Variants in ZDBF2 observed in about 807,000 individuals in gnomAD.
ZDBF2 encodes zinc finger DBF-type containing 2, also known as DBF4-type zinc finger-containing protein 2.
In ZDBF2, 6 loss-of-function variants were observed where a neutral mutation model predicts 9.4. That is an observed-to-expected ratio of 0.64 (90% confidence interval 0.35 to 1.27). The LOEUF is 1.27. ZDBF2 is among the 50% of genes most tolerant of loss of function. The pLI is 0.03. For missense variants in ZDBF2, 2,697 were observed against 2,766.8 expected, an observed-to-expected ratio of 0.97 and a Z score of 0.57; for synonymous variants, 905 against 946.3, an observed-to-expected ratio of 0.96 and a Z score of 0.80.
intron 3 of ZDBF2, among the ~76,000 whole-genome samples, chr2:206,295,683 C>CT (rs1274286774): frequency 6.6e-6 from 1 of 152,032 alleles, no homozygotes; most frequent in Non-Finnish European, 1.5e-5. Context: ...CCAGTTTACT[C>CT]TAATTTTTTG....
chr2:206,295,628 A>T (rs55677225), intron 3 of ZDBF2, among the ~76,000 whole-genome samples: 1 of 151,538 alleles, frequency 6.6e-6, no homozygotes, highest in Non-Finnish European at 1.5e-5. Flanking sequence ...CCCACTGTAG[A>T]CTCCCAAAGT....
chr2:206,292,613 ATGG>A (rs1691953860), intron 3 of ZDBF2, among the ~76,000 whole-genome samples: 1 of 152,146 alleles, frequency 6.6e-6, no homozygotes, highest in Non-Finnish European at 1.5e-5. Context: ...ACACAACATG[ATGG>A]TGGACATAAA....
intron 2 of ZDBF2, among the ~76,000 whole-genome samples, chr2:206,280,475 G>A (rs1019518965): frequency 1.3e-5 from 2 of 152,104 alleles, no homozygotes; most frequent in African/African-American, 4.8e-5. Flanking sequence ...TAAGCTCTAG[G>A]TTCTCTCAGC....
chr2:206,308,342 G>C lies in ZDBF2; in HGVS notation c.3814G>C (p.Asp1272His). ...KEVSLWKEHV[D>H]LENKIVKPTD... ...GGTCAGTCTTTGGAAAGAGCATGTTGACTTGGAAAATAAGATTGTCAAACC... is the reference window on the plus strand; with the variant it reads ...GGTCAGTCTTTGGAAAGAGCATGTTCACTTGGAAAATAAGATTGTCAAACC... Residue 1272 changes from aspartate (D) to histidine (H), a missense_variant, in exon 5 of 5, where the codon GAC becomes CAC. Physicochemically the swap from Asp to His is moderately conservative, Grantham distance 81. Transcript: ENST00000374423. The C allele has an allele frequency of 6.2e-7, 1 of 1,613,100 alleles. No individual in the cohort carries two copies.
In ZDBF2 at chr2:206,281,955, G is replaced by T. The variant is rs1166354718; in HGVS notation, c.60+46G>T. On this transcript the variant is annotated intron_variant, in intron 3 of 4. Coordinates refer to ENST00000374423, the MANE Select transcript of ZDBF2 (RefSeq NM_020923.3). ...TGATAATATCTCAAAGGACCTAGTTGTGACTTTCTCTTACATTTTATTAAA... is the reference window on the plus strand; with the variant it reads ...TGATAATATCTCAAAGGACCTAGTTTTGACTTTCTCTTACATTTTATTAAA... The T allele has an allele frequency of 5.3e-6, 8 of 1,504,516 alleles. No individual in the cohort carries two copies. The South Asian group carries it at 9.8e-5, about 18-fold the overall frequency. 93.2% of individuals were successfully genotyped at this position (1,504,516 alleles called of 1,614,324 possible). A position where few individuals can be genotyped will look rare whatever the true frequency, so the allele number is the denominator to read the frequency against.
At position 206,311,743 on chromosome 2, in the gene ZDBF2, CATTT is replaced by C; in HGVS notation, c.*152_*155del. ...TATTATTTTTCAGAATTTTTATATTCATTTAAAATTAGTGTTTAGAGTCCTTTCA... is the reference window on the plus strand; with the variant it reads ...TATTATTTTTCAGAATTTTTATATTCAAAATTAGTGTTTAGAGTCCTTTCA... On this transcript the variant is annotated 3_prime_UTR_variant, in exon 5 of 5. Coordinates refer to ENST00000374423, the MANE Select transcript of ZDBF2 (RefSeq NM_020923.3). 1 of 839,934 alleles carries C rather than the reference CATTT, an allele frequency of 1.2e-6. No homozygotes were observed. Among genetic ancestry groups the C allele is most frequent in the Non-Finnish European group, 1.6e-6 (1 of 617,634 alleles). 52.0% of individuals were successfully genotyped at this position (839,934 alleles called of 1,614,324 possible). A position where few individuals can be genotyped will look rare whatever the true frequency, so the allele number is the denominator to read the frequency against.
intron 1 of ZDBF2, among the ~76,000 whole-genome samples, chr2:206,275,982 T>A (rs564288132): frequency 6.6e-6 from 1 of 152,360 alleles, no homozygotes; most frequent in South Asian, 2.1e-4. Flanking sequence ...AGAAATAAGC[T>A]GAATTCAGGG....
chr2:206,305,382 G>C lies in ZDBF2; in HGVS notation c.854G>C (p.Gly285Ala). The C allele has an allele frequency of 6.2e-7, 1 of 1,613,180 alleles. No individual in the cohort carries two copies. Among genetic ancestry groups the C allele is most frequent in the Non-Finnish European group, 8.5e-7 (1 of 1,179,560 alleles). The change falls in exon 5 of 5, where the codon GGC (glycine) becomes GCC (alanine). Residue 285 changes from glycine (G) to alanine (A), a missense_variant. By Grantham distance (60) the Gly-to-Ala change is moderately conservative. Around this residue, in one of 3 missense-constraint regions of ZDBF2, gnomAD observed 910 missense variants for 973.6 expected, o/e 0.93. Coordinates refer to ENST00000374423, the MANE Select transcript of ZDBF2 (RefSeq NM_020923.3). ...TCTCAGGGTAAAACTTTATCAGCTG[G>C]CTTGAAATTCCATGAACGCATGGGT... Reference protein sequence around the residue: ...VKSQGKTLSAGLKFHERMGTK... With the variant: ...VKSQGKTLSAALKFHERMGTK...
chr2:206,293,359 A>G (rs570579315), intron 3 of ZDBF2, among the ~76,000 whole-genome samples: 9 of 152,322 alleles, frequency 5.9e-5, no homozygotes, highest in African/African-American at 2.2e-4. Context: ...TAAAGCTTCT[A>G]GAAACAGGAG....
Position 206,313,399 on chromosome 2 carries a change from A to G in ZDBF2, c.*1806A>G, listed in dbSNP as rs1693278778. ...ACCTTGCCTCCTCATACACAAATATATTTTCATTTCTTAAAAGATCACTGG... is the reference window on the plus strand; with the variant it reads ...ACCTTGCCTCCTCATACACAAATATGTTTTCATTTCTTAAAAGATCACTGG... On this transcript the variant is annotated 3_prime_UTR_variant, in exon 5 of 5. Coordinates refer to ENST00000374423, the MANE Select transcript of ZDBF2 (RefSeq NM_020923.3). 6.6e-6 allele frequency: 1 copy of G among 152,200 alleles called. No homozygotes were observed. Among genetic ancestry groups the G allele is most frequent in the East Asian group, 1.9e-4 (1 of 5,196 alleles). The allele number at this position is 152,200 out of a possible 1,614,324, so 9.4% of individuals were successfully genotyped here. A position where few individuals can be genotyped will look rare whatever the true frequency, so the allele number is the denominator to read the frequency against.
intron 1 of ZDBF2, among the ~76,000 whole-genome samples, chr2:206,277,652 G>A (rs1244944385): frequency 1.3e-5 from 2 of 149,768 alleles, no homozygotes; most frequent in Non-Finnish European, 3.0e-5. Context: ...CTGCTTTAGA[G>A]GAACAAAAAT....
rs753977436 is a variant in ZDBF2, at chr2:206,305,383, C to T, written c.855C>T (p.Gly285=). ...VKSQGKTLSA[G]LKFHERMGTK... ...CTCAGGGTAAAACTTTATCAGCTGG[C>T]TTGAAATTCCATGAACGCATGGGTA... is the stretch of plus-strand genomic sequence containing the variant. Residue 285 remains glycine (G), a synonymous_variant, in exon 5 of 5, where the codon GGC becomes GGT. Coordinates refer to ENST00000374423, the MANE Select transcript of ZDBF2 (RefSeq NM_020923.3). 1.2e-6 allele frequency: 2 copies of T among 1,613,208 alleles called. No homozygotes were observed. Among genetic ancestry groups the T allele is most frequent in the Middle Eastern group, 1.6e-4 (1 of 6,062 alleles).
intron 4 of ZDBF2, among the ~76,000 whole-genome samples, chr2:206,301,401 T>G (rs1441724553): frequency 6.6e-6 from 1 of 152,126 alleles, no homozygotes; most frequent in Non-Finnish European, 1.5e-5. Flanking sequence ...CTTCATGCCT[T>G]TGTTTTTTCT....
intron 1 of ZDBF2, among the ~76,000 whole-genome samples, chr2:206,276,135 T>TA (rs1001128384): frequency 1.6e-4 from 24 of 152,168 alleles, no homozygotes; most frequent in African/African-American, 5.8e-4. Context: ...TAAGATCGCA[T>TA]AAAAAAATCA....
rs1691339030 is a variant in ZDBF2 at position 206,281,900 on chromosome 2, C to T, written c.51C>T (p.Asn17=). Residue 17 remains asparagine, a synonymous_variant, in exon 3 of 5, where the codon AAC becomes AAT. Transcript: ENST00000374423. ...YCSYCRVQYN[N]LEQHLFSAQH... ...GTTATTGCCGTGTGCAGTATAATAA[C>T]CTGGAACAGGTGAGCGGTTTCTATT... The T allele has an allele frequency of 6.2e-7, 1 of 1,612,554 alleles. No homozygotes were observed. Among genetic ancestry groups the T allele is most frequent in the Non-Finnish European group, 8.5e-7 (1 of 1,179,264 alleles).
intron 4 of ZDBF2, among the ~76,000 whole-genome samples, chr2:206,301,802 G>A (rs1006903561): frequency 4.7e-5 from 7 of 150,426 alleles, no homozygotes; most frequent in Non-Finnish European, 5.9e-5. Context: ...CATGTATTTC[G>A]TCTACCTTTT....
rs1692791481 is a variant in ZDBF2 at position 206,306,293 on chromosome 2, C to G, written c.1765C>G (p.Leu589Val). The change falls in exon 5 of 5, where the codon CTT becomes GTT. Residue 589 changes from leucine to valine, a missense_variant. By Grantham distance (32) the Leu-to-Val change is conservative (BLOSUM62 1). Coordinates refer to ENST00000374423, the MANE Select transcript of ZDBF2 (RefSeq NM_020923.3). ...AACAAGTTTTGATTGTGATGTTTCTCTTGAGTCAGTAGTTGATCATCCCCA... is the reference window on the plus strand; with the variant it reads ...AACAAGTTTTGATTGTGATGTTTCTGTTGAGTCAGTAGTTGATCATCCCCA... Reference protein sequence around the residue: ...SETSFDCDVSLESVVDHPQLT... With the variant: ...SETSFDCDVSVESVVDHPQLT... 2 of 1,613,546 alleles carry G rather than the reference C, an allele frequency of 1.2e-6. No homozygotes were observed. The highest frequency in any genetic ancestry group is 8.5e-7 in the Non-Finnish European group (1 of 1,179,782).
At chr2:206,288,480 T>C (rs187939578) in intron 3 of ZDBF2, among the ~76,000 whole-genome samples, 8 of 152,352 alleles carry the variant, frequency 5.3e-5, no homozygotes, top group Admixed American at 1.3e-4. Context: ...GAGACTTAAC[T>C]GAGTAGATCC....
intron 3 of ZDBF2, among the ~76,000 whole-genome samples, chr2:206,286,296 G>C (rs1040274671): frequency 1.3e-5 from 2 of 152,096 alleles, no homozygotes; most frequent in African/African-American, 2.4e-5. Context: ...CTGAGAGTGT[G>C]ATAATCAAGT....
Sources: allele counts gnomAD v4.1 joint callset (sites outside exome capture counted in the v4.1 genomes callset), GRCh38; gene constraint gnomAD v4.1.1; regional missense constraint gnomAD v4.1.1; transcripts MANE v1.5; gene names NCBI Gene and HGNC (gene_info 2026-07-23, HGNC 2026-07-21).